The following GPHN variants were observed in gnomAD, a reference collection of about 807,000 sequenced individuals.
GPHN encodes gephyrin.
GPHN carries 17 observed loss-of-function variants against 95.5 expected under a neutral mutation model. That is an observed-to-expected ratio of 0.18 (90% CI 0.12 to 0.27). The LOEUF (loss-of-function observed/expected upper bound fraction) is 0.27, where lower values mean the gene tolerates loss of function less well. Among genes scored for constraint, GPHN ranks in the 10% least tolerant of loss-of-function variants. The pLI, the probability that GPHN is intolerant of heterozygous loss-of-function variation, is 1.00. For missense variants in GPHN, 660 were observed against 978.1 expected (o/e 0.67, Z 4.34); for synonymous variants, 320 against 322.5 (o/e 0.99, Z 0.08).
intron 4 of GPHN, among the ~76,000 whole-genome samples, chr14:66,831,810 A>T (rs2061591549): frequency 6.6e-6 from 1 of 152,204 alleles, no homozygotes; most frequent in Non-Finnish European, 1.5e-5. Flanking sequence ...TACTGTGTGC[A>T]AATAACTCTT....
chr14:67,009,233 A>G (rs2072817123), intron 9 of GPHN, among the ~76,000 whole-genome samples: 1 of 152,112 alleles, frequency 6.6e-6, no homozygotes, highest in Non-Finnish European at 1.5e-5. Flanking sequence ...GAACCTTAAT[A>G]ATTGTTATTA....
At chr14:67,489,540 C>T in the GPHN span, among the ~76,000 whole-genome samples, 1 of 152,170 alleles carries the variant, frequency 6.6e-6, no homozygotes, top group South Asian at 2.1e-4. Flanking sequence ...TCTCTCCTGC[C>T]CTCCTCTGCA....
the GPHN span, chr14:67,717,821 T>G: frequency 1.3e-5 from 2 of 152,134 alleles, no homozygotes; most frequent in African/African-American, 2.4e-5. Context: ...CCCAGCACTT[T>G]GAGAGACCAA....
the GPHN span, among the ~76,000 whole-genome samples, chr14:67,435,618 A>G: frequency 6.6e-6 from 1 of 152,244 alleles, no homozygotes; most frequent in Non-Finnish European, 1.5e-5. Flanking sequence ...TCAAAGTCCC[A>G]GGGAGGTCAC....
intron 1 of GPHN, among the ~76,000 whole-genome samples, chr14:66,612,501 G>C (rs1020724297): frequency 1.3e-5 from 2 of 152,020 alleles, no homozygotes; most frequent in Non-Finnish European, 2.9e-5. Flanking sequence ...TCAGAAACAA[G>C]TTATCGTTAT....
chr14:66,832,608 G>T (rs1021030703), intron 4 of GPHN, among the ~76,000 whole-genome samples: 28 of 151,590 alleles, frequency 1.8e-4, no homozygotes, highest in African/African-American at 6.5e-4. Context: ...TTGTATCATA[G>T]GCACACTTAA....
At chr14:67,065,360 G>C (rs1278959671) in intron 11 of GPHN, among the ~76,000 whole-genome samples, 2 of 152,148 alleles carry the variant, frequency 1.3e-5, no homozygotes, top group Non-Finnish European at 2.9e-5. Flanking sequence ...CAATTATGTT[G>C]TCAATTTTAG....
the GPHN span, among the ~76,000 whole-genome samples, chr14:67,639,264 C>T: frequency 2.0e-5 from 3 of 152,164 alleles, no homozygotes; most frequent in Non-Finnish European, 4.4e-5. Flanking sequence ...CATGATTGGA[C>T]TTGGGTAGTC....
the GPHN span, chr14:67,380,569 C>T: frequency 3.3e-5 from 19 of 571,878 alleles, no homozygotes; most frequent in Non-Finnish European, 4.9e-5. Context: ...ATATGCTTAA[C>T]TATTATATGC....
At chr14:67,208,081 C>G in the GPHN span, 1 of 1,395,324 alleles carries the variant, frequency 7.2e-7, no homozygotes, top group Non-Finnish European at 9.6e-7. Context: ...CTCCTTACTA[C>G]TCCTCACGGG....
At chr14:67,732,020 AGGAG>A in the GPHN span, among the ~76,000 whole-genome samples, 2 of 151,236 alleles carry the variant, frequency 1.3e-5, no homozygotes, top group Non-Finnish European at 2.9e-5. Flanking sequence ...CCAGCCACTC[AGGAG>A]GCTGAGGCAG....
intron 10 of GPHN, among the ~76,000 whole-genome samples, chr14:67,049,556 A>G (rs2075205464): frequency 6.7e-6 from 1 of 149,542 alleles, no homozygotes; most frequent in African/African-American, 2.5e-5. Context: ...CTCTGTTGCC[A>G]GGCTGGAGTG....
chr14:67,407,886 T>C, the GPHN span, among the ~76,000 whole-genome samples: 2 of 152,158 alleles, frequency 1.3e-5, no homozygotes, highest in African/African-American at 4.8e-5. Flanking sequence ...GCCAGGAAGT[T>C]CGCTTGAGCT....
At chr14:66,672,358 A>C (rs2066345587) in intron 1 of GPHN, among the ~76,000 whole-genome samples, 1 of 152,152 alleles carries the variant, frequency 6.6e-6, no homozygotes, top group African/African-American at 2.4e-5. Context: ...GTTCCATGTT[A>C]GTTTGAGAAG....
At chr14:67,323,917 A>G in the GPHN span, 11 of 633,272 alleles carry the variant, frequency 1.7e-5, no homozygotes, top group African/African-American at 3.9e-5. Context: ...GAGCTTTCAA[A>G]CTGATTATTT....
intron 1 of GPHN, among the ~76,000 whole-genome samples, chr14:66,570,295 C>CTTTTT (rs535461102): frequency 1.0e-5 from 1 of 100,110 alleles, no homozygotes; most frequent in African/African-American, 4.3e-5. Context: ...ATTTCATGTA[C>CTTTTT]TTTTTTTTTT....
intron 2 of GPHN, among the ~76,000 whole-genome samples, chr14:66,683,329 AATATATATATATATATATATAT>A (rs59011754): frequency 3.8e-4 from 3 of 7,924 alleles, no homozygotes; most frequent in African/African-American, 1.7e-3. Context: ...CCAATGTGGA[AATATATATATATATATATATAT>A]ATATATATAT....
intron 11 of GPHN, among the ~76,000 whole-genome samples, chr14:67,066,132 G>A (rs1012626952): frequency 2.6e-5 from 4 of 152,124 alleles, no homozygotes; most frequent in African/African-American, 9.7e-5. Flanking sequence ...CACAGGCCTG[G>A]TGGTGACAAA....
At chr14:67,327,800 C>T in the GPHN span, among the ~76,000 whole-genome samples, 5 of 152,190 alleles carry the variant, frequency 3.3e-5, no homozygotes, top group African/African-American at 9.7e-5. Context: ...TCATCCATGT[C>T]CCTACAAAAG....
Sources: gnomAD v4.1 joint callset for allele counts (sites outside exome capture counted in the v4.1 genomes callset) on GRCh38, gnomAD v4.1.1 for gene constraint, MANE v1.5 for transcripts, NCBI Gene and HGNC (gene_info 2026-07-23, HGNC 2026-07-21) for gene names.